Variants in TMEM132B observed in about 807,000 individuals in gnomAD.
TMEM132B encodes the protein transmembrane protein 132B.
In TMEM132B, 18 loss-of-function variants were observed where a neutral mutation model predicts 90.8. The ratio of observed to expected loss-of-function variants is 0.20; its 90% CI spans 0.14 to 0.29. TMEM132B has a LOEUF of 0.29. Ranked by LOEUF, TMEM132B falls within the 10% of genes least tolerant of loss-of-function variation. The pLI is 1.00. For missense variants in TMEM132B, 1,096 were observed against 1,326.8 expected (o/e 0.83, Z 2.70); for synonymous variants, 504 against 523.3 (o/e 0.96, Z 0.50).
At chr12:125,336,547 A>G (rs1566005543) in intron 1 of TMEM132B, among the ~76,000 whole-genome samples, 1 of 152,232 alleles carries the variant, frequency 6.6e-6, no homozygotes, top group Non-Finnish European at 1.5e-5. Flanking sequence ...TGGGAAATGA[A>G]AGAATCATTT....
In TMEM132B at chr12:125,650,965, C is replaced by T. The variant is rs1023033555; in HGVS notation, c.1914+12C>T. On this transcript the variant is annotated intron_variant, in intron 7 of 8. Transcript: ENST00000682704. ...TAACCACGGTGCAGGTACACGCCGC[C>T]ATGCCTTGCCCAACAGCAGTCTGTG... 3.7e-6 allele frequency: 6 copies of T among 1,611,232 alleles called. No homozygotes were observed. Among genetic ancestry groups the T allele is most frequent in the South Asian group, 3.3e-5 (3 of 90,928 alleles).
chr12:125,220,562 C>A lies in TMEM132B; in HGVS notation c.67+33696C>A, dbSNP rs546119432. ...GATAGCGATTCAGGCCCTTCTCTGT[C>A]GGCATTTCCAAGAGGTCTGGAGTGA... On this transcript the variant is annotated intron_variant, in intron 1 of 8. Transcript: ENST00000682704. Among the ~76,000 whole-genome samples, 151 of 152,316 alleles carry A rather than the reference C, an allele frequency of 9.9e-4. 1 individual carries two copies. The Middle Eastern group carries it at 0.017, about 17-fold the overall frequency.
chr12:125,608,979 G>A (rs1252291636), intron 5 of TMEM132B, among the ~76,000 whole-genome samples: 1 of 152,194 alleles, frequency 6.6e-6, no homozygotes, highest in Non-Finnish European at 1.5e-5. Context: ...GGCTGAGGAG[G>A]CCTCAGGCAA....
At chr12:125,433,119 C>T (rs1445649680) in intron 3 of TMEM132B, among the ~76,000 whole-genome samples, 2 of 152,216 alleles carry the variant, frequency 1.3e-5, no homozygotes, top group Admixed American at 6.5e-5. Context: ...CTGCCAGTAA[C>T]TTCTGAGTCA....
chr12:125,467,292 G>A (rs1881588696), intron 3 of TMEM132B, among the ~76,000 whole-genome samples: 1 of 152,160 alleles, frequency 6.6e-6, no homozygotes, highest in African/African-American at 2.4e-5. Flanking sequence ...AAGTGGTGAA[G>A]CAAAGGTTCT....
At chr12:125,494,464 A>C (rs1882467444) in intron 3 of TMEM132B, among the ~76,000 whole-genome samples, 1 of 128,566 alleles carries the variant, frequency 7.8e-6, no homozygotes, top group Non-Finnish European at 1.6e-5. Flanking sequence ...CCTCCCCAAA[A>C]ATGGATGCGT....
At chr12:125,569,601 A>C (rs1281689214) in intron 4 of TMEM132B, among the ~76,000 whole-genome samples, 4 of 152,152 alleles carry the variant, frequency 2.6e-5, no homozygotes, top group Non-Finnish European at 5.9e-5. Flanking sequence ...GCTCTTGGTT[A>C]AGACTCTTCT....
In TMEM132B at chr12:125,331,077, G is replaced by T. The variant is rs531303639; in HGVS notation, c.68-18375G>T. On this transcript the variant is annotated intron_variant, in intron 1 of 8. Transcript: ENST00000682704. ...ACCACCGGCTCCTCGTGCAGCGCTG[G>T]CGGCGGCGGCCACTGGGTGGCGGTG... is the stretch of plus-strand genomic sequence containing the variant. Among the ~76,000 whole-genome samples the T allele has an allele frequency of 6.7e-3, 1,025 of 152,324 alleles. 14 individuals carry two copies. Among genetic ancestry groups the T allele is most frequent in the African/African-American group, 0.023 (963 of 41,576 alleles).
intron 2 of TMEM132B, among the ~76,000 whole-genome samples, chr12:125,403,477 T>C (rs1409292227): frequency 1.3e-5 from 2 of 152,260 alleles, no homozygotes; most frequent in East Asian, 3.8e-4. Context: ...CTTTTCCATG[T>C]AGTTTTAGAT....
chr12:125,290,910 G>C (rs146922431), intron 1 of TMEM132B, among the ~76,000 whole-genome samples: 1 of 152,272 alleles, frequency 6.6e-6, no homozygotes, highest in East Asian at 1.9e-4. Flanking sequence ...TGGATATGAG[G>C]AATATCGCTC....
intron 2 of TMEM132B, among the ~76,000 whole-genome samples, chr12:125,413,587 A>C (rs1879918751): frequency 6.6e-6 from 1 of 152,236 alleles, no homozygotes; most frequent in Non-Finnish European, 1.5e-5. Flanking sequence ...ATCTGAATGC[A>C]GTCGTATACT....
At chr12:125,547,435 TTG>T (rs1309117099) in intron 4 of TMEM132B, among the ~76,000 whole-genome samples, 1 of 152,208 alleles carries the variant, frequency 6.6e-6, no homozygotes. Flanking sequence ...TATTTGTGTG[TTG>T]TCTTTTTTAA....
chr12:125,294,925 A>T (rs2136151620), intron 1 of TMEM132B, among the ~76,000 whole-genome samples: 1 of 152,374 alleles, frequency 6.6e-6, no homozygotes, highest in South Asian at 2.1e-4. Flanking sequence ...ATACAATAAA[A>T]TATCAACTTA....
intron 1 of TMEM132B, among the ~76,000 whole-genome samples, chr12:125,239,007 G>A (rs1874004261): frequency 6.6e-6 from 1 of 152,154 alleles, no homozygotes; most frequent in Admixed American, 6.5e-5. Flanking sequence ...TCAGTCTAAT[G>A]TGGTAACTAT....
intron 1 of TMEM132B, among the ~76,000 whole-genome samples, chr12:125,291,322 G>A (rs570179117): frequency 6.6e-6 from 1 of 152,342 alleles, no homozygotes; most frequent in East Asian, 1.9e-4. Flanking sequence ...AGCCTTGAGT[G>A]TGTGGTACTT....
intron 1 of TMEM132B, among the ~76,000 whole-genome samples, chr12:125,329,340 G>A (rs114785157): frequency 0.019 from 2,843 of 152,330 alleles, 95 homozygotes; most frequent in African/African-American, 0.065. Context: ...AGCTGGCCAA[G>A]CTGACTTAGA....
Position 125,650,717 on chromosome 12 carries a change from GAGA to G in TMEM132B, c.1684_1686del (p.Lys562del), listed in dbSNP as rs764749811. The G allele has an allele frequency of 1.2e-6, 2 of 1,612,626 alleles. No homozygotes were observed. The highest frequency in any genetic ancestry group is 1.7e-5 in the Admixed American group (1 of 60,016). On this transcript the variant is annotated inframe_deletion, in exon 7 of 9. Coordinates refer to ENST00000682704, the MANE Select transcript of TMEM132B (RefSeq NM_001366854.1). ...GGAAAGCGATGACGAGGACGATGAGGAGAAGAAGGGACGAGGCTGCTCCCTGCA... is the reference window on the plus strand; with the variant it reads ...GGAAAGCGATGACGAGGACGATGAGGAGAAGGGACGAGGCTGCTCCCTGCA...
At chr12:125,347,783 G>C (rs1446209063) in intron 1 of TMEM132B, among the ~76,000 whole-genome samples, 3 of 152,142 alleles carry the variant, frequency 2.0e-5, no homozygotes, top group Non-Finnish European at 2.9e-5. Context: ...GTTCCTGGTG[G>C]GCTGTCTTCA....
At chr12:125,294,080 CA>C (rs1875609092) in intron 1 of TMEM132B, among the ~76,000 whole-genome samples, 1 of 152,232 alleles carries the variant, frequency 6.6e-6, no homozygotes, top group African/African-American at 2.4e-5. Context: ...AAGGAAGTCC[CA>C]AGCCTCAGAG....
Sources: allele counts gnomAD v4.1 joint callset (sites outside exome capture counted in the v4.1 genomes callset), GRCh38; gene constraint gnomAD v4.1.1; transcripts MANE v1.5; gene names NCBI Gene and HGNC (gene_info 2026-07-23, HGNC 2026-07-21).